Variants in EYS observed in about 807,000 individuals in gnomAD.
The protein encoded by EYS is protein eyes shut homolog.
EYS carries 250 observed loss-of-function variants against 282.1 expected under a neutral mutation model. That is an observed-to-expected ratio of 0.89 (90% confidence interval 0.80 to 0.98). The LOEUF (loss-of-function observed/expected upper bound fraction) is 0.98, where lower values mean the gene tolerates loss of function less well. Among genes scored for constraint, EYS ranks in the 50% least tolerant of loss-of-function variants. EYS has a pLI of 0.00. For missense variants in EYS, 4,016 were observed against 3,709.0 expected, an observed-to-expected ratio of 1.08 and a Z score of -2.15; for synonymous variants, 1,355 against 1,282.9, an observed-to-expected ratio of 1.06 and a Z score of -1.20.
At chr6:64,182,550 AT>A (rs553797315) in intron 31 of EYS, among the ~76,000 whole-genome samples, 89 of 152,200 alleles carry the variant, frequency 5.8e-4, no homozygotes, top group Non-Finnish European at 1.2e-3. Flanking sequence ...GCATATAAAC[AT>A]ATCGTTATTT....
At chr6:65,343,497 A>G (rs1770274404) in intron 10 of EYS, among the ~76,000 whole-genome samples, 1 of 151,278 alleles carries the variant, frequency 6.6e-6, no homozygotes. Flanking sequence ...TATAATCTTA[A>G]TTTGTATAAG....
At chr6:64,548,478 C>A (rs1179890059) in intron 26 of EYS, among the ~76,000 whole-genome samples, 1 of 152,136 alleles carries the variant, frequency 6.6e-6, no homozygotes, top group Non-Finnish European at 1.5e-5. Context: ...CACATATACA[C>A]CATGGAATGC....
intron 31 of EYS, among the ~76,000 whole-genome samples, chr6:64,217,901 A>G (rs1277275890): frequency 1.3e-5 from 2 of 152,216 alleles, no homozygotes; most frequent in African/African-American, 2.4e-5. Context: ...GGAAATCCCC[A>G]AAAGCATCAT....
intron 29 of EYS, among the ~76,000 whole-genome samples, chr6:64,375,843 T>C (rs1280703285): frequency 6.6e-6 from 1 of 152,226 alleles, no homozygotes; most frequent in Non-Finnish European, 1.5e-5. Flanking sequence ...TAAGGCTCTA[T>C]AATACACAAT....
At chr6:63,884,143 G>A (rs529231248) in intron 35 of EYS, among the ~76,000 whole-genome samples, 15 of 152,286 alleles carry the variant, frequency 9.8e-5, no homozygotes, top group Non-Finnish European at 1.6e-4. Context: ...CAGTAAATAT[G>A]AGTTGAAGGA....
chr6:64,750,922 T>C (rs1005401491), intron 22 of EYS, among the ~76,000 whole-genome samples: 1 of 152,094 alleles, frequency 6.6e-6, no homozygotes, highest in Non-Finnish European at 1.5e-5. Flanking sequence ...TCCCTTCCCA[T>C]GCCAAGAACT....
chr6:65,095,535 T>C (rs1774714515), intron 12 of EYS, among the ~76,000 whole-genome samples: 1 of 151,194 alleles, frequency 6.6e-6, no homozygotes, highest in African/African-American at 2.4e-5. Flanking sequence ...TAAAGCATCA[T>C]GTTGGGCACA....
chr6:64,898,539 A>G (rs191072601), intron 18 of EYS, among the ~76,000 whole-genome samples: 91 of 152,196 alleles, frequency 6.0e-4, no homozygotes, highest in Middle Eastern at 6.8e-3. Context: ...AAGAAACTGC[A>G]TCAACTAATG....
intron 28 of EYS, among the ~76,000 whole-genome samples, chr6:64,389,205 T>C (rs1773017098): frequency 6.6e-6 from 1 of 152,178 alleles, no homozygotes; most frequent in Non-Finnish European, 1.5e-5. Context: ...CAAATTTCAA[T>C]GCAGTCATAC....
intron 30 of EYS, among the ~76,000 whole-genome samples, chr6:64,260,860 T>C (rs2150352885): frequency 6.6e-6 from 1 of 152,138 alleles, no homozygotes; most frequent in East Asian, 1.9e-4. Flanking sequence ...AACTTTCCAA[T>C]TTGTATATCT....
intron 12 of EYS, among the ~76,000 whole-genome samples, chr6:65,079,098 T>C (rs1162941544): frequency 6.6e-6 from 1 of 152,028 alleles, no homozygotes. Context: ...TATTTCTTTA[T>C]AGCAATGCAA....
intron 7 of EYS, among the ~76,000 whole-genome samples, chr6:65,401,729 C>A (rs1766505135): frequency 6.6e-6 from 1 of 151,814 alleles, no homozygotes; most frequent in African/African-American, 2.4e-5. Flanking sequence ...TTCTAAGTTT[C>A]TTTTCAGTGT....
intron 8 of EYS, among the ~76,000 whole-genome samples, chr6:65,357,506 A>C (rs1038640395): frequency 1.3e-5 from 2 of 151,988 alleles, no homozygotes; most frequent in Non-Finnish European, 2.9e-5. Flanking sequence ...AAACATTAAA[A>C]TATACCACAG....
intron 11 of EYS, among the ~76,000 whole-genome samples, chr6:65,298,731 T>C (rs1455174827): frequency 6.6e-6 from 1 of 150,506 alleles, no homozygotes; most frequent in Non-Finnish European, 1.5e-5. Context: ...TACATATTTA[T>C]ATATATATAT....
intron 12 of EYS, among the ~76,000 whole-genome samples, chr6:65,238,520 T>C (rs1048759995): frequency 2.6e-5 from 4 of 151,948 alleles, no homozygotes; most frequent in Non-Finnish European, 5.9e-5. Context: ...GTTCTATTTC[T>C]GAAATAGAAG....
At chr6:64,544,933 C>T (rs1285928715) in intron 26 of EYS, among the ~76,000 whole-genome samples, 1 of 152,088 alleles carries the variant, frequency 6.6e-6, no homozygotes, top group Non-Finnish European at 1.5e-5. Context: ...CCAAATTCTA[C>T]CAGAGGTACA....
At chr6:65,036,598 A>G (rs1172770582) in intron 13 of EYS, among the ~76,000 whole-genome samples, 1 of 151,668 alleles carries the variant, frequency 6.6e-6, no homozygotes, top group Non-Finnish European at 1.5e-5. Context: ...TCTGTAAGGA[A>G]CTTAAACAAA....
At chr6:64,797,658 T>A (rs977384614) in intron 22 of EYS, among the ~76,000 whole-genome samples, 1 of 152,072 alleles carries the variant, frequency 6.6e-6, no homozygotes, top group African/African-American at 2.4e-5. Context: ...TTTGGTTTTT[T>A]AAATTATACT....
At chr6:65,160,346 A>G (rs1581967590) in intron 12 of EYS, among the ~76,000 whole-genome samples, 2 of 151,066 alleles carry the variant, frequency 1.3e-5, no homozygotes, top group East Asian at 3.9e-4. Context: ...ACTGTTTTGA[A>G]TACTTTGCAT....
Sources: gnomAD v4.1 joint callset for allele counts (sites outside exome capture counted in the v4.1 genomes callset) on GRCh38, gnomAD v4.1.1 for gene constraint, MANE v1.5 for transcripts, NCBI Gene and HGNC (gene_info 2026-07-23, HGNC 2026-07-21) for gene names.